NTF3: variants seen among roughly 807,000 people sequenced by gnomAD.
The protein encoded by NTF3 is neurotrophin 3.
Under a neutral mutation model 26.3 loss-of-function variants are expected in NTF3, and 8 were observed. That is an observed-to-expected ratio of 0.30 (90% CI 0.18 to 0.55). The LOEUF (loss-of-function observed/expected upper bound fraction) is 0.55, where lower values mean the gene tolerates loss of function less well. NTF3 is among the 20% of genes least tolerant of loss of function. The pLI, the probability that NTF3 is intolerant of heterozygous loss-of-function variation, is 0.93. For missense variants in NTF3, 276 were observed against 352.9 expected, an observed-to-expected ratio of 0.78 and a Z score of 1.75; for synonymous variants, 154 against 145.5, an observed-to-expected ratio of 1.06 and a Z score of -0.42.
chr12:5,488,430 G>A (rs1433078793), intron 1 of NTF3, among the ~76,000 whole-genome samples: 1 of 152,110 alleles, frequency 6.6e-6, no homozygotes, highest in African/African-American at 2.4e-5. Context: ...ACCAAAACCA[G>A]ACCAATCCCC....
rs1271736514 is a variant in NTF3, at chr12:5,465,698, T to TGG, written c.19-28495_19-28494insGG. Among the ~76,000 whole-genome samples, 3 of 152,376 alleles carry TGG rather than the reference T, an allele frequency of 2.0e-5. 1 individual carries two copies. In the East Asian group the frequency reaches 5.8e-4, roughly 29 times the overall value. ...GGCCACGCAAGGCTTTCAGCTTCTCTGATTTCCAGGCCCCCATCCCCACCA... is the reference window on the plus strand; with the variant it reads ...GGCCACGCAAGGCTTTCAGCTTCTCTGGGATTTCCAGGCCCCCATCCCCACCA... On this transcript the variant is annotated intron_variant, in intron 1 of 1. Transcript: ENST00000423158.
At chr12:5,480,357 G>C (rs1940774215) in intron 1 of NTF3, among the ~76,000 whole-genome samples, 1 of 152,188 alleles carries the variant, frequency 6.6e-6, no homozygotes, top group Admixed American at 6.5e-5. Context: ...GGAGGAGGGG[G>C]AGCTGGGTGG....
chr12:5,435,152 G>A (rs1430039905), intron 1 of NTF3, among the ~76,000 whole-genome samples: 1 of 152,164 alleles, frequency 6.6e-6, no homozygotes, highest in African/African-American at 2.4e-5. Context: ...AGTAAGTAGA[G>A]GAATGCACTA....
chr12:5,467,845 C>T (rs1940612143), intron 1 of NTF3, among the ~76,000 whole-genome samples: 1 of 152,198 alleles, frequency 6.6e-6, no homozygotes, highest in African/African-American at 2.4e-5. Context: ...TTCCCTCCTT[C>T]CCTTTGTGCC....
At chr12:5,480,532 T>C (rs1054040689) in intron 1 of NTF3, among the ~76,000 whole-genome samples, 4 of 152,136 alleles carry the variant, frequency 2.6e-5, no homozygotes, top group Non-Finnish European at 5.9e-5. Flanking sequence ...GCAGGCGCAC[T>C]CTGGGGCACT....
chr12:5,484,057 C>G (rs1418579249), intron 1 of NTF3, among the ~76,000 whole-genome samples: 1 of 152,208 alleles, frequency 6.6e-6, no homozygotes, highest in Admixed American at 6.5e-5. Context: ...GTGCCTCCCC[C>G]AGGAAACCCT....
intron 1 of NTF3, among the ~76,000 whole-genome samples, chr12:5,481,176 A>G (rs1275155676): frequency 6.6e-6 from 1 of 151,774 alleles, no homozygotes; most frequent in Non-Finnish European, 1.5e-5. Context: ...TGGATGATTT[A>G]CTCCGGTTCC....
chr12:5,490,900 GC>G (rs1175627774), intron 1 of NTF3, among the ~76,000 whole-genome samples: 1 of 152,188 alleles, frequency 6.6e-6, no homozygotes. Context: ...TGGGTCCCTC[GC>G]CCGTGTGCGT....
chr12:5,495,073 T>C lies in NTF3; in HGVS notation c.*85T>C. 7.3e-7 allele frequency: 1 copy of C among 1,366,142 alleles called. No individual in the cohort carries two copies. The highest frequency in any genetic ancestry group is 1.0e-6 in the Non-Finnish European group (1 of 996,802). 84.6% of individuals were successfully genotyped at this position (1,366,142 alleles called of 1,614,324 possible). A position where few individuals can be genotyped will look rare whatever the true frequency, so the allele number is the denominator to read the frequency against. On this transcript the variant is annotated 3_prime_UTR_variant, in exon 2 of 2. Transcript: ENST00000423158. ...TATAAATGTTTATATTGTTTTTATA[T>C]ATTATAAGTTGACCTTTATTTATTA...
intron 1 of NTF3, among the ~76,000 whole-genome samples, chr12:5,476,636 G>A (rs1218569400): frequency 2.6e-5 from 4 of 152,196 alleles, no homozygotes; most frequent in South Asian, 2.1e-4. Context: ...TAGCACACCC[G>A]TAGTAAGCTC....
At chr12:5,482,833 TCTC>T (rs942969648) in intron 1 of NTF3, among the ~76,000 whole-genome samples, 5 of 151,208 alleles carry the variant, frequency 3.3e-5, no homozygotes, top group East Asian at 2.0e-4. Flanking sequence ...TGTCTCTATC[TCTC>T]CTCCTTTCTC....
intron 1 of NTF3, among the ~76,000 whole-genome samples, chr12:5,442,919 T>G (rs906119297): frequency 6.6e-6 from 1 of 152,122 alleles, no homozygotes; most frequent in Non-Finnish European, 1.5e-5. Context: ...GCGAATACAG[T>G]GTAGATTTGC....
Position 5,460,681 on chromosome 12 carries a change from A to T in NTF3, c.18+28339A>T, listed in dbSNP as rs139961317. Among the ~76,000 whole-genome samples the T allele has an allele frequency of 4.7e-4, 71 of 152,260 alleles. No individual in the cohort carries two copies. In the East Asian group the frequency reaches 0.012, roughly 25 times the overall value. Reference sequence around the variant, plus strand: ...ACACCTTCCCAGGGATAACAAAAATAAAACCAGCTAGGTCAATAGCAGAGC... The same window carrying T: ...ACACCTTCCCAGGGATAACAAAAATTAAACCAGCTAGGTCAATAGCAGAGC... On this transcript the variant is annotated intron_variant, in intron 1 of 1. Transcript: ENST00000423158.
chr12:5,437,487 C>A (rs1359583369), intron 1 of NTF3, among the ~76,000 whole-genome samples: 1 of 152,210 alleles, frequency 6.6e-6, no homozygotes, highest in Admixed American at 6.5e-5. Flanking sequence ...GAGCAGGCGG[C>A]TTCTGCTACA....
At chr12:5,460,905 A>G (rs963405223) in intron 1 of NTF3, among the ~76,000 whole-genome samples, 5 of 152,088 alleles carry the variant, frequency 3.3e-5, no homozygotes, top group Admixed American at 1.3e-4. Context: ...ACACATTCGC[A>G]TTTATGCACA....
At chr12:5,493,790 G>C (rs762178544) in intron 1 of NTF3, among the ~76,000 whole-genome samples, 1 of 152,166 alleles carries the variant, frequency 6.6e-6, no homozygotes, top group African/African-American at 2.4e-5. Context: ...TGCTGCTGCT[G>C]AAGGGAAGTT....
chr12:5,432,090 G>A (rs1240222788), upstream of NTF3: 3 of 582,936 alleles, frequency 5.1e-6, no homozygotes, highest in Non-Finnish European at 6.3e-6. Context: ...TTATAACCGC[G>A]CAGATTCTGT....
At chr12:5,483,323 C>G (rs1350551059) in intron 1 of NTF3, among the ~76,000 whole-genome samples, 2 of 152,194 alleles carry the variant, frequency 1.3e-5, no homozygotes, top group Middle Eastern at 3.2e-3. Context: ...CTTGCAGACC[C>G]TCTTCTGGCG....
intron 1 of NTF3, among the ~76,000 whole-genome samples, chr12:5,444,129 A>G (rs1238106896): frequency 1.3e-5 from 2 of 152,228 alleles, no homozygotes; most frequent in African/African-American, 2.4e-5. Context: ...CTGTCTGTCT[A>G]CAGCAAGTCT....
Sources: allele counts gnomAD v4.1 joint callset (sites outside exome capture counted in the v4.1 genomes callset), GRCh38; gene constraint gnomAD v4.1.1; transcripts MANE v1.5; gene names NCBI Gene and HGNC (gene_info 2026-07-23, HGNC 2026-07-21).